The following GTPBP10 variants were observed in gnomAD, a reference collection of about 807,000 sequenced individuals.
GTPBP10 encodes the protein GTP binding protein 10, also known as GTP-binding protein 10.
A neutral mutation model predicts 44.8 loss-of-function variants in GTPBP10; 38 were observed. The ratio of observed to expected loss-of-function variants is 0.85; its 90% CI spans 0.65 to 1.11. The LOEUF (loss-of-function observed/expected upper bound fraction) is 1.11, where lower values mean the gene tolerates loss of function less well. Ranked by LOEUF, GTPBP10 falls within the 50% of genes most tolerant of loss-of-function variation. GTPBP10 has a pLI of 0.00. For missense variants in GTPBP10, 462 were observed against 453.7 expected (o/e 1.02, Z -0.17); for synonymous variants, 152 against 150.6 (o/e 1.01, Z -0.07).
intron 4 of GTPBP10, among the ~76,000 whole-genome samples, chr7:90,365,368 CTTTTT>C (rs59645149): frequency 1.1e-5 from 1 of 90,364 alleles, no homozygotes; most frequent in Non-Finnish European, 2.0e-5. Flanking sequence ...TTGGGGTTTT[CTTTTT>C]TTTTTTTTTT....
At chr7:90,347,188 G>A (rs563772784) in intron 1 of GTPBP10, among the ~76,000 whole-genome samples, 7 of 152,238 alleles carry the variant, frequency 4.6e-5, no homozygotes, top group Admixed American at 2.0e-4. Context: ...TAATTGATGT[G>A]CCTTCCTGCA....
rs1198802147 is a variant in GTPBP10, at chr7:90,389,165, T to C, written c.*4011T>C. On this transcript the variant is annotated 3_prime_UTR_variant, in exon 10 of 10. Transcript: ENST00000222511. ...TGTCTCTCCTTAACGGAATAGAAAG[T>C]GAAACAAATCCAGAAATCTTGTTCG... The C allele has an allele frequency of 6.6e-6, 1 of 152,314 alleles. No homozygotes were observed. The highest frequency in any genetic ancestry group is 6.5e-5 in the Admixed American group (1 of 15,296). 9.4% of individuals were successfully genotyped at this position (152,314 alleles called of 1,614,324 possible).
Position 90,385,289 on chromosome 7 carries a change from T to C in GTPBP10, c.*135T>C. On this transcript the variant is annotated 3_prime_UTR_variant, in exon 10 of 10. Coordinates refer to ENST00000222511, the MANE Select transcript of GTPBP10 (RefSeq NM_033107.4). ...AAAGACAAATGCTGCATAATCTCAC[T>C]GTGGAATCTTAAGTTGAACTCATAG... 1 of 615,264 alleles carries C rather than the reference T, an allele frequency of 1.6e-6. No homozygotes were observed. The highest frequency in any genetic ancestry group is 2.7e-6 in the Non-Finnish European group (1 of 369,776). 38.1% of individuals were successfully genotyped at this position (615,264 alleles called of 1,614,324 possible).
At chr7:90,356,295 T>C (rs1795899759) in intron 4 of GTPBP10, among the ~76,000 whole-genome samples, 1 of 152,186 alleles carries the variant, frequency 6.6e-6, no homozygotes, top group South Asian at 2.1e-4. Flanking sequence ...GGCTTGCCAT[T>C]TACATTTATT....
In GTPBP10 at chr7:90,387,850, G is replaced by A. The variant is rs1024844420; in HGVS notation, c.*2696G>A. ...TCACAGTGACCAGGTTTTGTATTGG[G>A]TATGTTTTACATTTGTAACTTCAGT... is the stretch of plus-strand genomic sequence containing the variant. On this transcript the variant is annotated 3_prime_UTR_variant, in exon 10 of 10. Transcript: ENST00000222511. The A allele has an allele frequency of 6.6e-5, 10 of 152,248 alleles. No individual in the cohort carries two copies. Among genetic ancestry groups the A allele is most frequent in the Admixed American group, 1.3e-4 (2 of 15,288 alleles). The allele number at this position is 152,248 out of a possible 1,614,324, so 9.4% of individuals were successfully genotyped here. A position where few individuals can be genotyped will look rare whatever the true frequency, so the allele number is the denominator to read the frequency against.
chr7:90,361,751 G>A (rs551312536), intron 4 of GTPBP10, among the ~76,000 whole-genome samples: 40 of 152,194 alleles, frequency 2.6e-4, no homozygotes, highest in Admixed American at 1.6e-3. Context: ...CTGTGAATCC[G>A]TCTGGTCCTG....
rs1261805458 is a variant in GTPBP10 at position 90,388,867 on chromosome 7, A to G, written c.*3713A>G. Reference sequence around the variant, plus strand: ...CAGTTTCACAGTGTTTGCAAAGTTCAGATTGAAAACCCAGTTTTACAAATC... The same window carrying G: ...CAGTTTCACAGTGTTTGCAAAGTTCGGATTGAAAACCCAGTTTTACAAATC... On this transcript the variant is annotated 3_prime_UTR_variant, in exon 10 of 10. Coordinates refer to ENST00000222511, the MANE Select transcript of GTPBP10 (RefSeq NM_033107.4). 6.6e-6 allele frequency: 1 copy of G among 152,240 alleles called. No homozygotes were observed. The highest frequency in any genetic ancestry group is 6.5e-5 in the Admixed American group (1 of 15,284). The allele number at this position is 152,240 out of a possible 1,614,324, so 9.4% of individuals were successfully genotyped here. A position where few individuals can be genotyped will look rare whatever the true frequency, so the allele number is the denominator to read the frequency against.
At chr7:90,367,393 CATT>C (rs1464216423) in intron 4 of GTPBP10, among the ~76,000 whole-genome samples, 1 of 152,074 alleles carries the variant, frequency 6.6e-6, no homozygotes, top group Non-Finnish European at 1.5e-5. Context: ...TAAAGTCTCC[CATT>C]ATTATTGTGT....
rs79206536 is a variant in GTPBP10, at chr7:90,366,648, G to A, written c.465-5507G>A. On this transcript the variant is annotated intron_variant, in intron 4 of 9. Coordinates refer to ENST00000222511, the MANE Select transcript of GTPBP10 (RefSeq NM_033107.4). ...ATCCCCTTTAGCATTTTTTTATTGC[G>A]TCTATTTGATTCTTCCCTCATTTCT... Among the ~76,000 whole-genome samples the A allele has an allele frequency of 5.2e-3, 780 of 149,196 alleles. 9 individuals are homozygous for A. Among genetic ancestry groups the A allele is most frequent in the African/African-American group, 0.017 (682 of 40,662 alleles).
Position 90,371,629 on chromosome 7 carries a change from G to C in GTPBP10, c.465-526G>C, listed in dbSNP as rs560713502. ...TGAAAATAGATTTGAGACACACCGG[G>C]TATTTGTAACGTACAGACCTTACTT... On this transcript the variant is annotated intron_variant, in intron 4 of 9. Transcript: ENST00000222511. 3.9e-5 allele frequency among the ~76,000 whole-genome samples: 6 copies of C among 152,236 alleles called. No homozygotes were observed. In the East Asian group the frequency reaches 1.2e-3, roughly 29 times the overall value.
chr7:90,360,395 G>T (rs890505468), intron 4 of GTPBP10, among the ~76,000 whole-genome samples: 7 of 152,146 alleles, frequency 4.6e-5, no homozygotes, highest in Non-Finnish European at 1.0e-4. Flanking sequence ...ATTATATAGA[G>T]AATCCTATCC....
At chr7:90,363,986 C>T (rs532552569) in intron 4 of GTPBP10, among the ~76,000 whole-genome samples, 4 of 152,354 alleles carry the variant, frequency 2.6e-5, no homozygotes, top group Admixed American at 2.6e-4. Flanking sequence ...GCAGCTCCAT[C>T]AGGTCATTTA....
intron 9 of GTPBP10, 58 bp from the exon 10 acceptor site, chr7:90,384,834 G>T (rs1300616363): frequency 1.3e-6 from 2 of 1,518,916 alleles, no homozygotes; most frequent in South Asian, 1.3e-5. Flanking sequence ...CATTAACATG[G>T]TTTTAACTAA....
At chr7:90,359,985 T>G (rs191329487) in intron 4 of GTPBP10, among the ~76,000 whole-genome samples, 2 of 151,444 alleles carry the variant, frequency 1.3e-5, no homozygotes, top group East Asian at 3.9e-4. Flanking sequence ...TTGATGGGGT[T>G]GTTTGTTTTT....
chr7:90,385,281 A>T lies in GTPBP10; in HGVS notation c.*127A>T. 1.6e-6 allele frequency: 1 copy of T among 635,360 alleles called. No individual in the cohort carries two copies. The highest frequency in any genetic ancestry group is 3.3e-5 in the Admixed American group (1 of 30,626). The allele number at this position is 635,360 out of a possible 1,614,324, so 39.4% of individuals were successfully genotyped here. Reference sequence around the variant, plus strand: ...AGGCTTAGAAAGACAAATGCTGCATAATCTCACTGTGGAATCTTAAGTTGA... The same window carrying T: ...AGGCTTAGAAAGACAAATGCTGCATTATCTCACTGTGGAATCTTAAGTTGA... On this transcript the variant is annotated 3_prime_UTR_variant, in exon 10 of 10. Coordinates refer to ENST00000222511, the MANE Select transcript of GTPBP10 (RefSeq NM_033107.4).
rs893934461 is a variant in GTPBP10 at position 90,388,578 on chromosome 7, TAAC to T, written c.*3427_*3429del. 2 of 152,202 alleles carry T rather than the reference TAAC, an allele frequency of 1.3e-5. No individual in the cohort carries two copies. The highest frequency in any genetic ancestry group is 4.8e-5 in the African/African-American group (2 of 41,468). The allele number at this position is 152,202 out of a possible 1,614,324, so 9.4% of individuals were successfully genotyped here. On this transcript the variant is annotated 3_prime_UTR_variant, in exon 10 of 10. Transcript: ENST00000222511. ...TATATATTCATATTATTATTTGTCA[TAAC>T]AAGGTGAACTTTTTTAAAATGGTAA... is the stretch of plus-strand genomic sequence containing the variant.
At chr7:90,349,047 G>A (rs1050831445) in intron 1 of GTPBP10, among the ~76,000 whole-genome samples, 3 of 152,100 alleles carry the variant, frequency 2.0e-5, no homozygotes, top group African/African-American at 4.8e-5. Context: ...CTTTCCCGCC[G>A]TTTTTGGCAT....
At chr7:90,349,109 G>A (rs1034570180) in intron 1 of GTPBP10, among the ~76,000 whole-genome samples, 17 of 152,250 alleles carry the variant, frequency 1.1e-4, no homozygotes, top group African/African-American at 3.9e-4. Context: ...TAAATCCTGT[G>A]AAATTATAAC....
chr7:90,349,285 G>A (rs559080856), intron 1 of GTPBP10, among the ~76,000 whole-genome samples: 129 of 152,058 alleles, frequency 8.5e-4, no homozygotes, highest in Non-Finnish European at 1.2e-3. Flanking sequence ...AATCCTTTTC[G>A]TAGAAAATCA....
Sources: allele counts gnomAD v4.1 joint callset (sites outside exome capture counted in the v4.1 genomes callset), GRCh38; gene constraint gnomAD v4.1.1; transcripts MANE v1.5; gene names NCBI Gene and HGNC (gene_info 2026-07-23, HGNC 2026-07-21).